Variants in PRKCE observed in about 807,000 individuals in gnomAD.
The protein encoded by PRKCE is protein kinase C epsilon type.
Under a neutral mutation model 85.4 loss-of-function variants are expected in PRKCE, and 16 were observed. The ratio of observed to expected loss-of-function variants is 0.19; its 90% CI spans 0.13 to 0.28. The LOEUF (loss-of-function observed/expected upper bound fraction) is 0.28. PRKCE is among the 10% of genes least tolerant of loss of function. The pLI is 1.00. For synonymous variants in PRKCE, 388 were observed against 371.5 expected (o/e 1.04, Z -0.51); for missense variants, 573 against 975.2 (o/e 0.59, Z 5.49).
At chr2:46,135,044 A>T (rs1210864743) in intron 11 of PRKCE, among the ~76,000 whole-genome samples, 1 of 152,002 alleles carries the variant, frequency 6.6e-6, no homozygotes. Context: ...GTTTATTATT[A>T]TTTTTTCTAT....
At chr2:46,042,729 A>G (rs939112716) in intron 10 of PRKCE, among the ~76,000 whole-genome samples, 1 of 152,226 alleles carries the variant, frequency 6.6e-6, no homozygotes, top group African/African-American at 2.4e-5. Context: ...CCAGAGGCGA[A>G]GGGTGGGTGC....
At chr2:45,782,028 A>G (rs1019545756) in intron 1 of PRKCE, among the ~76,000 whole-genome samples, 1 of 152,220 alleles carries the variant, frequency 6.6e-6, no homozygotes, top group African/African-American at 2.4e-5. Flanking sequence ...TATGAGTTTT[A>G]TCAAAATTAT....
intron 2 of PRKCE, among the ~76,000 whole-genome samples, chr2:45,965,292 G>A (rs777483856): frequency 7.2e-5 from 11 of 152,224 alleles, no homozygotes; most frequent in East Asian, 1.9e-4. Flanking sequence ...CTGTCATGAA[G>A]TATTTATTTC....
At chr2:46,174,663 C>G (rs1362275779) in intron 14 of PRKCE, among the ~76,000 whole-genome samples, 1 of 152,060 alleles carries the variant, frequency 6.6e-6, no homozygotes, top group African/African-American at 2.4e-5. Context: ...ACATGCCCCA[C>G]TCATTAGAGA....
chr2:46,059,472 G>C (rs1366028166), intron 10 of PRKCE, among the ~76,000 whole-genome samples: 1 of 152,208 alleles, frequency 6.6e-6, no homozygotes, highest in Non-Finnish European at 1.5e-5. Flanking sequence ...CAGCAGCAGT[G>C]ACTGGTCAAT....
At chr2:45,812,030 A>G (rs1417878288) in intron 1 of PRKCE, among the ~76,000 whole-genome samples, 1 of 152,156 alleles carries the variant, frequency 6.6e-6, no homozygotes, top group Non-Finnish European at 1.5e-5. Flanking sequence ...ATCTCTTCTT[A>G]AGTGGGAAGA....
At chr2:45,818,297 TTCTA>T (rs1689248544) in intron 1 of PRKCE, among the ~76,000 whole-genome samples, 1 of 152,180 alleles carries the variant, frequency 6.6e-6, no homozygotes, top group Admixed American at 6.5e-5. Context: ...ACTTGTAGAT[TTCTA>T]TCTTTTTTGG....
At chr2:45,669,458 T>C (rs1431977134) in intron 1 of PRKCE, among the ~76,000 whole-genome samples, 2 of 152,224 alleles carry the variant, frequency 1.3e-5, no homozygotes, top group African/African-American at 4.8e-5. Context: ...CTGTGTTCTC[T>C]TACCGCGCAG....
At chr2:46,027,938 CT>C (rs1443600046) in intron 10 of PRKCE, among the ~76,000 whole-genome samples, 6 of 151,540 alleles carry the variant, frequency 4.0e-5, no homozygotes, top group Non-Finnish European at 7.4e-5. Flanking sequence ...GGTTGGGATT[CT>C]TTTTTTTCTT....
chr2:46,090,777 G>A (rs937614185), intron 11 of PRKCE, among the ~76,000 whole-genome samples: 13 of 152,146 alleles, frequency 8.5e-5, no homozygotes, highest in Admixed American at 5.2e-4. Flanking sequence ...TCTATATGAG[G>A]TTGATGGAGA....
At chr2:46,003,057 G>A (rs979779039) in intron 7 of PRKCE, among the ~76,000 whole-genome samples, 1 of 152,308 alleles carries the variant, frequency 6.6e-6, no homozygotes, top group Admixed American at 6.5e-5. Flanking sequence ...TCAAGAAGGG[G>A]CAGGGTGGAA....
At chr2:45,997,171 T>G (rs559785938) in intron 6 of PRKCE, among the ~76,000 whole-genome samples, 2 of 152,320 alleles carry the variant, frequency 1.3e-5, no homozygotes, top group South Asian at 4.1e-4. Context: ...CTCTCATTTC[T>G]GATATTAATA....
chr2:46,102,856 T>C (rs370944767), intron 11 of PRKCE, among the ~76,000 whole-genome samples: 13 of 152,222 alleles, frequency 8.5e-5, no homozygotes, highest in East Asian at 1.9e-4. Context: ...TGACTTATCA[T>C]TGATATTGAC....
At chr2:45,985,667 G>A (rs962947440) in intron 6 of PRKCE, among the ~76,000 whole-genome samples, 1 of 152,196 alleles carries the variant, frequency 6.6e-6, no homozygotes, top group Non-Finnish European at 1.5e-5. Flanking sequence ...TGGGAATGAA[G>A]AGGAGAATGA....
rs1352196478 is a variant in PRKCE at position 46,004,492 on chromosome 2, T to C, written c.967-50T>C. Reference sequence around the variant, plus strand: ...CTTGATGCTTTTGACATCAGAAAACTCTCAACCCTCCCTTCTGATGCCTCT... The same window carrying C: ...CTTGATGCTTTTGACATCAGAAAACCCTCAACCCTCCCTTCTGATGCCTCT... On this transcript the variant is annotated intron_variant, in intron 7 of 14. Coordinates refer to ENST00000306156, the MANE Select transcript of PRKCE (RefSeq NM_005400.3). This position sits in a 1 kb window ranked among gnomAD's most constrained non-coding sequence, Gnocchi z 4.1. The C allele has an allele frequency of 3.5e-6, 5 of 1,444,010 alleles. No homozygotes were observed. Among genetic ancestry groups the C allele is most frequent in the South Asian group, 1.2e-5 (1 of 82,174 alleles). The allele number at this position is 1,444,010 out of a possible 1,614,324, so 89.4% of individuals were successfully genotyped here.
At chr2:46,026,533 A>G (rs2104916141) in intron 10 of PRKCE, among the ~76,000 whole-genome samples, 2 of 152,342 alleles carry the variant, frequency 1.3e-5, no homozygotes, top group Middle Eastern at 3.4e-3. Flanking sequence ...CTGATGTAAG[A>G]AAATATTTAG....
Position 46,041,088 on chromosome 2 carries a change from G to A in PRKCE, c.1437+30571G>A, listed in dbSNP as rs1192473828. 1.3e-5 allele frequency among the ~76,000 whole-genome samples: 2 copies of A among 152,272 alleles called. No individual in the cohort carries two copies. The highest frequency in any genetic ancestry group is 2.4e-5 in the African/African-American group (1 of 41,548). On this transcript the variant is annotated intron_variant, in intron 10 of 14. Coordinates refer to ENST00000306156, the MANE Select transcript of PRKCE (RefSeq NM_005400.3). The surrounding 1 kb of genome is among the most constrained non-coding windows in gnomAD (Gnocchi z 5.5). Reference sequence around the variant, plus strand: ...ATTTCTATCTGTGAGTAGGTGGCACGAGGTATTCATTTCATAAGTAGGTTT... The same window carrying A: ...ATTTCTATCTGTGAGTAGGTGGCACAAGGTATTCATTTCATAAGTAGGTTT...
Position 45,755,811 on chromosome 2 carries a change from C to T in PRKCE, c.349-87189C>T, listed in dbSNP as rs944486458. Among the ~76,000 whole-genome samples, 3 of 152,182 alleles carry T rather than the reference C, an allele frequency of 2.0e-5. No individual in the cohort carries two copies. The South Asian group carries it at 6.2e-4, about 32-fold the overall frequency. ...GGCTTAGTGAGTCCTAAAGAACTGGCTCAGACAGGGGCTGTCAAGTTCAGA... is the reference window on the plus strand; with the variant it reads ...GGCTTAGTGAGTCCTAAAGAACTGGTTCAGACAGGGGCTGTCAAGTTCAGA... On this transcript the variant is annotated intron_variant, in intron 1 of 14. Transcript: ENST00000306156.
intron 1 of PRKCE, among the ~76,000 whole-genome samples, chr2:45,796,217 G>A (rs1007072231): frequency 6.6e-6 from 1 of 152,130 alleles, no homozygotes; most frequent in Admixed American, 6.5e-5. Flanking sequence ...AAATGTCCAG[G>A]TGTCGTTTGT....
Sources: gnomAD v4.1 joint callset for allele counts (sites outside exome capture counted in the v4.1 genomes callset) on GRCh38, gnomAD v4.1.1 for gene constraint, Gnocchi (gnomAD v3.1) non-coding constraint, MANE v1.5 for transcripts, NCBI Gene and HGNC (gene_info 2026-07-23, HGNC 2026-07-21) for gene names.